CFAP91: variants seen among roughly 807,000 people sequenced by gnomAD.
CFAP91 encodes cilia and flagella associated protein 91.
CFAP91 carries 85 observed loss-of-function variants against 95.9 expected under a neutral mutation model. The ratio of observed to expected loss-of-function variants is 0.89; its 90% confidence interval spans 0.74 to 1.06. The LOEUF (loss-of-function observed/expected upper bound fraction) is 1.06, where lower values mean the gene tolerates loss of function less well. Ranked by LOEUF, CFAP91 falls within the 50% of genes least tolerant of loss-of-function variation. The pLI is 0.00. For missense variants in CFAP91, 962 were observed against 943.4 expected (o/e 1.02, Z -0.26); for synonymous variants, 335 against 327.5 (o/e 1.02, Z -0.25).
chr3:119,715,423 G>T (rs1577203428), intron 5 of CFAP91, 139 bp from the exon 6 acceptor site: 3 of 781,790 alleles, frequency 3.8e-6, no homozygotes, highest in Non-Finnish European at 6.7e-6. Context: ...GGTTATAATG[G>T]ATTCATGATT....
In CFAP91 at chr3:119,713,806, C is replaced by A. The variant is rs184827545; in HGVS notation, c.501-1756C>A. ...AAAAATGGAATCCTACTATACATAC[C>A]ATTTAATAGTGTCATTTTTTTCTTC... On this transcript the variant is annotated intron_variant, in intron 5 of 17. Transcript: ENST00000273390. 2.6e-5 allele frequency among the ~76,000 whole-genome samples: 4 copies of A among 151,990 alleles called. No homozygotes were observed. The East Asian group carries it at 7.7e-4, about 29-fold the overall frequency.
chr3:119,732,263 G>A (rs1407635059), intron 8 of CFAP91, 31 bp from the exon 9 acceptor site: 1 of 1,511,410 alleles, frequency 6.6e-7, no homozygotes, highest in East Asian at 2.3e-5. Context: ...CAATATTTTA[G>A]AGATAGTCAT....
In CFAP91 at chr3:119,743,991, A is replaced by C. The variant is rs750470993; in HGVS notation, c.1697A>C (p.Asn566Thr). 1.2e-5 allele frequency: 19 copies of C among 1,607,972 alleles called. No homozygotes were observed. The highest frequency in any genetic ancestry group is 1.5e-5 in the Non-Finnish European group (18 of 1,176,582). ...LHEHKVSLVE[N>T]HLAGLEGRAL... is the part of the protein sequence containing the mutation. The stretch of plus-strand genomic sequence containing the variant: ...CTTTTCAAGGTGTCACTGGTTGAAA[A>C]CCATTTGGCCGGACTGGAAGGAAGG... Residue 566 changes from asparagine to threonine, a missense_variant, in exon 14 of 18, where the codon AAC (asparagine) becomes ACC (threonine). Physicochemically the swap from Asn to Thr is moderately conservative, Grantham distance 65. Coordinates refer to ENST00000273390, the MANE Select transcript of CFAP91 (RefSeq NM_033364.4).
intron 13 of CFAP91, among the ~76,000 whole-genome samples, chr3:119,743,421 C>T (rs1049066529): frequency 6.6e-6 from 1 of 152,100 alleles, no homozygotes; most frequent in African/African-American, 2.4e-5. Context: ...CCCAGCCATT[C>T]CTGTGCTATT....
At chr3:119,731,874 AAC>A in intron 8 of CFAP91, among the ~76,000 whole-genome samples, 1 of 152,212 alleles carries the variant, frequency 6.6e-6, no homozygotes, top group Non-Finnish European at 1.5e-5. Flanking sequence ...TTTTGGTGTT[AAC>A]CAAGATGAAC....
chr3:119,758,597 T>C (rs1207517802), intron 17 of CFAP91, among the ~76,000 whole-genome samples: 4 of 152,162 alleles, frequency 2.6e-5, no homozygotes, highest in Non-Finnish European at 5.9e-5. Flanking sequence ...ATCTGTATTG[T>C]AATGACCTGC....
chr3:119,726,529 G>A (rs1156285517), intron 7 of CFAP91, among the ~76,000 whole-genome samples, 181 bp downstream of exon 7: 1 of 152,180 alleles, frequency 6.6e-6, no homozygotes, highest in East Asian at 1.9e-4. Flanking sequence ...TGGTCCAGAA[G>A]CTCTGTATAA....
intron 17 of CFAP91, among the ~76,000 whole-genome samples, chr3:119,759,251 G>C (rs6770006): frequency 0.22 from 33,651 of 151,746 alleles, 3,877 homozygotes; most frequent in Admixed American, 0.25. Flanking sequence ...AAAACCAACA[G>C]CATTAAACTA....
intron 10 of CFAP91, among the ~76,000 whole-genome samples, chr3:119,736,926 T>C (rs1442029061): frequency 1.3e-5 from 2 of 152,106 alleles, no homozygotes; most frequent in African/African-American, 4.8e-5. Flanking sequence ...AATTTCTGCC[T>C]CCCAGGTTCA....
At chr3:119,717,295 G>A (rs867474603) in intron 6 of CFAP91, among the ~76,000 whole-genome samples, 3 of 152,164 alleles carry the variant, frequency 2.0e-5, no homozygotes, top group Non-Finnish European at 4.4e-5. Flanking sequence ...AGGACTTGGC[G>A]TTAAACTGCA....
chr3:119,755,391 G>A (rs1002882326), intron 17 of CFAP91, among the ~76,000 whole-genome samples: 1 of 152,160 alleles, frequency 6.6e-6, no homozygotes, highest in African/African-American at 2.4e-5. Flanking sequence ...TAGGTTTAGA[G>A]AAGGTAATGA....
intron 1 of CFAP91, 73 bp from the exon 2 acceptor site, chr3:119,706,736 T>C: frequency 1.8e-6 from 2 of 1,109,614 alleles, no homozygotes; most frequent in South Asian, 2.6e-5. Flanking sequence ...GAGATTACAT[T>C]ACTTTGCCAT....
chr3:119,751,313 G>A (rs1191446272), intron 17 of CFAP91, among the ~76,000 whole-genome samples: 1 of 152,108 alleles, frequency 6.6e-6, no homozygotes, highest in African/African-American at 2.4e-5. Flanking sequence ...AGACTCTTGT[G>A]ATACAAAAAA....
chr3:119,710,523 C>T (rs9844912), intron 5 of CFAP91, among the ~76,000 whole-genome samples: 3,031 of 152,234 alleles, frequency 0.02, 98 homozygotes, highest in African/African-American at 0.069. Flanking sequence ...CTTAATACCA[C>T]GACAATGGGG....
At chr3:119,740,187 A>G (rs2054088200) in intron 12 of CFAP91, among the ~76,000 whole-genome samples, 1 of 152,216 alleles carries the variant, frequency 6.6e-6, no homozygotes, top group Non-Finnish European at 1.5e-5. Context: ...GATTTATTGG[A>G]AAAAAACATA....
intron 6 of CFAP91, 123 bp from the exon 7 acceptor site, chr3:119,726,048 T>C: frequency 2.8e-6 from 2 of 716,390 alleles, no homozygotes; most frequent in South Asian, 5.0e-5. Flanking sequence ...CCTAATGTCA[T>C]GTTATGCTGT....
At chr3:119,763,619 TA>T (rs529578202) in intron 17 of CFAP91, among the ~76,000 whole-genome samples, 36 of 145,484 alleles carry the variant, frequency 2.5e-4, no homozygotes, top group East Asian at 4.0e-4. Flanking sequence ...TATTCAGCCT[TA>T]AAAAAAAAAA....
chr3:119,704,327 G>C (rs534659580), intron 1 of CFAP91, among the ~76,000 whole-genome samples: 12 of 152,306 alleles, frequency 7.9e-5, no homozygotes, highest in Admixed American at 5.2e-4. Flanking sequence ...AATTCACTCA[G>C]AGTAGATCAA....
chr3:119,748,906 TGATA>T (rs1400249512), intron 16 of CFAP91, among the ~76,000 whole-genome samples: 1 of 152,228 alleles, frequency 6.6e-6, no homozygotes, highest in East Asian at 1.9e-4. Flanking sequence ...TTTTACATTT[TGATA>T]GATAGTACCA....
Sources: gnomAD v4.1 joint callset for allele counts (sites outside exome capture counted in the v4.1 genomes callset) on GRCh38, gnomAD v4.1.1 for gene constraint, MANE v1.5 for transcripts, NCBI Gene and HGNC (gene_info 2026-07-23, HGNC 2026-07-21) for gene names.